Variants in PRKAR1A observed in about 807,000 individuals in gnomAD.
PRKAR1A encodes the protein protein kinase cAMP-dependent type I regulatory subunit alpha.
PRKAR1A carries 3 observed loss-of-function variants against 52.0 expected under a neutral mutation model. That is an observed-to-expected ratio of 0.06 (90% confidence interval 0.03 to 0.15). PRKAR1A has a LOEUF of 0.15. PRKAR1A is among the 10% of genes least tolerant of loss of function. The pLI is 1.00. For synonymous variants in PRKAR1A, 188 were observed against 168.4 expected (o/e 1.12, Z -0.90); for missense variants, 240 against 477.4 (o/e 0.50, Z 4.63).
the PRKAR1A span, among the ~76,000 whole-genome samples, chr17:68,444,237 A>G: frequency 3.4e-3 from 515 of 152,324 alleles, 7 homozygotes; most frequent in African/African-American, 0.011. Flanking sequence ...GCCTTGACAC[A>G]TTTGCTGATA....
intron 2 of PRKAR1A, among the ~76,000 whole-genome samples, chr17:68,516,865 T>C (rs1398180292): frequency 6.6e-6 from 1 of 152,250 alleles, no homozygotes; most frequent in Admixed American, 6.5e-5. Flanking sequence ...TAGATGTAGC[T>C]TGTTTTGAAG....
rs189127283 is a variant in PRKAR1A at position 68,540,516 on chromosome 17, T to C, written c.973+10515T>C. On this transcript the variant is annotated intron_variant, in intron 11 of 11. Transcript: ENST00000585981. ...TGGCCTCGCCTGAGGCCCTCCCTGC[T>C]ACATATTTGTGTACTTTCTTCCCTT... is the stretch of plus-strand genomic sequence containing the variant. The C allele has an allele frequency of 9.1e-4, 439 of 483,672 alleles. 1 individual carries two copies. Among genetic ancestry groups the C allele is most frequent in the African/African-American group, 7.4e-3 (379 of 51,366 alleles). 30.0% of individuals were successfully genotyped at this position (483,672 alleles called of 1,614,324 possible). A position where few individuals can be genotyped will look rare whatever the true frequency, so the allele number is the denominator to read the frequency against.
the PRKAR1A span, among the ~76,000 whole-genome samples, chr17:68,426,566 T>C: frequency 6.6e-6 from 1 of 152,204 alleles, no homozygotes. Context: ...AGAGTCTCAC[T>C]CTTTCACCCA....
At chr17:68,426,123 C>T in the PRKAR1A span, 1 of 1,612,554 alleles carries the variant, frequency 6.2e-7, no homozygotes, top group Non-Finnish European at 8.5e-7. Context: ...CCGTCGCAAA[C>T]TCATGTTCAG....
chr17:68,548,202 T>A (rs1733399651), intron 11 of PRKAR1A, among the ~76,000 whole-genome samples: 1 of 152,162 alleles, frequency 6.6e-6, no homozygotes, highest in Non-Finnish European at 1.5e-5. Flanking sequence ...GAGACCAGCC[T>A]GGCCAACACA....
the PRKAR1A span, among the ~76,000 whole-genome samples, chr17:68,488,321 G>A: frequency 9.9e-5 from 15 of 152,140 alleles, no homozygotes; most frequent in African/African-American, 3.6e-4. Flanking sequence ...GAGCTTGCAC[G>A]CCATTGCAAG....
chr17:68,527,509 T>G, intron 7 of PRKAR1A: 1 of 280,454 alleles, frequency 3.6e-6, no homozygotes, highest in Non-Finnish European at 6.9e-6. Context: ...TGTGGAAAAA[T>G]ATCTTGAGTG....
At chr17:68,462,732 C>T in the PRKAR1A span, among the ~76,000 whole-genome samples, 8 of 152,150 alleles carry the variant, frequency 5.3e-5, no homozygotes, top group South Asian at 1.7e-3. Flanking sequence ...ACTGCTTTGG[C>T]TCAAGGCTGG....
At chr17:68,535,816 T>C, downstream of PRKAR1A, 1 of 454,046 alleles carries the variant, frequency 2.2e-6, no homozygotes, top group Non-Finnish European at 4.4e-6. Context: ...TGATTTTTTT[T>C]TTAAGCAAAC....
In PRKAR1A at chr17:68,522,849, G is replaced by A. The variant is rs759197325; in HGVS notation, c.271G>A (p.Val91Ile). 1.9e-6 allele frequency: 3 copies of A among 1,614,056 alleles called. No individual in the cohort carries two copies. The highest frequency in any genetic ancestry group is 2.5e-6 in the Non-Finnish European group (3 of 1,179,910). The change falls in exon 3 of 11, where the codon GTT becomes ATT. Residue 91 changes from valine to isoleucine, a missense_variant. Physicochemically the swap from Val to Ile is conservative, Grantham distance 29. Coordinates refer to ENST00000589228, the MANE Select transcript of PRKAR1A (RefSeq NM_002734.5). ...EISPPPPNPVVKGRRRRGAIS... is the reference protein window; with the variant it reads ...EISPPPPNPVIKGRRRRGAIS... ...TTCTCCTCCTCCACCCAACCCAGTGGTTAAAGGTAGGAGGCGACGAGGTGC... is the reference window on the plus strand; with the variant it reads ...TTCTCCTCCTCCACCCAACCCAGTGATTAAAGGTAGGAGGCGACGAGGTGC...
the PRKAR1A span, among the ~76,000 whole-genome samples, chr17:68,419,040 C>T: frequency 2.7e-5 from 4 of 146,910 alleles, no homozygotes; most frequent in Admixed American, 6.8e-5. Flanking sequence ...AAAAAGTCAT[C>T]GGAATCATAA....
At chr17:68,426,228 CATGA>C in the PRKAR1A span, 2 of 984,656 alleles carry the variant, frequency 2.0e-6, no homozygotes, top group Non-Finnish European at 1.5e-6. Context: ...GCTTTTATGC[CATGA>C]CCTGGCGGGT....
the PRKAR1A span, among the ~76,000 whole-genome samples, chr17:68,495,991 CT>C: frequency 1.4e-4 from 1 of 7,328 alleles, no homozygotes; most frequent in Non-Finnish European, 2.2e-4. Flanking sequence ...CTCCTCTCCT[CT>C]CCTCTCCTCC....
intron 11 of PRKAR1A, among the ~76,000 whole-genome samples, chr17:68,540,200 C>T (rs895763622): frequency 2.0e-5 from 3 of 152,228 alleles, no homozygotes; most frequent in Admixed American, 2.0e-4. Context: ...AAGGCTTTCA[C>T]CCCTGCCCCT....
the PRKAR1A span, among the ~76,000 whole-genome samples, chr17:68,464,821 C>T: frequency 1.3e-5 from 2 of 152,008 alleles, no homozygotes; most frequent in African/African-American, 2.4e-5. Context: ...ACAAAATGAT[C>T]ACTTCCTATT....
chr17:68,413,762 C>T, the PRKAR1A span: 25 of 160,810 alleles, frequency 1.6e-4, no homozygotes, highest in Non-Finnish European at 2.4e-4. Flanking sequence ...TAGCAATCAG[C>T]GAGACTCCGT....
chr17:68,457,190 G>A, the PRKAR1A span: 1 of 875,706 alleles, frequency 1.1e-6, no homozygotes, highest in South Asian at 1.8e-5. Flanking sequence ...AGGGGTACGG[G>A]GATAACAAGA....
chr17:68,457,192 A>T, the PRKAR1A span: 1 of 883,340 alleles, frequency 1.1e-6, no homozygotes, highest in Admixed American at 2.9e-5. Context: ...GGGTACGGGG[A>T]TAACAAGATC....
At chr17:68,465,036 C>T in the PRKAR1A span, among the ~76,000 whole-genome samples, 2 of 151,270 alleles carry the variant, frequency 1.3e-5, no homozygotes, top group South Asian at 2.1e-4. Context: ...CACCATTCTC[C>T]TGCCTCAGCT....
Sources: allele counts gnomAD v4.1 joint callset (sites outside exome capture counted in the v4.1 genomes callset), GRCh38; gene constraint gnomAD v4.1.1; transcripts MANE v1.5; gene names NCBI Gene and HGNC (gene_info 2026-07-23, HGNC 2026-07-21).